Variants in MAP3K2 observed in about 807,000 individuals in gnomAD.
MAP3K2 encodes the protein MAP/ERK kinase kinase 2.
Under a neutral mutation model 80.3 loss-of-function variants are expected in MAP3K2, and 24 were observed. The observed-to-expected ratio is 0.30, with a 90% CI of 0.22 to 0.42. The LOEUF is 0.42. Among genes scored for constraint, MAP3K2 ranks in the 10% least tolerant of loss-of-function variants. MAP3K2 has a pLI of 1.00. For synonymous variants in MAP3K2, 244 were observed against 253.7 expected (o/e 0.96, Z 0.36); for missense variants, 608 against 750.1 (o/e 0.81, Z 2.21).
At chr2:127,318,571 CAT>C (rs1205878552) in intron 12 of MAP3K2, among the ~76,000 whole-genome samples, 7 of 152,310 alleles carry the variant, frequency 4.6e-5, no homozygotes, top group African/African-American at 1.7e-4. Flanking sequence ...CCTAATTACA[CAT>C]GTGACAGCAT....
At chr2:127,342,988 T>C in intron 2 of MAP3K2, 138 bp downstream of exon 2, 1 of 625,238 alleles carries the variant, frequency 1.6e-6, no homozygotes, top group South Asian at 2.5e-5. Flanking sequence ...ATTAAGTAAA[T>C]ATAAAACATT....
intron 1 of MAP3K2, among the ~76,000 whole-genome samples, chr2:127,373,108 A>G (rs1272326996): frequency 6.6e-6 from 1 of 152,220 alleles, no homozygotes; most frequent in Non-Finnish European, 1.5e-5. Flanking sequence ...CCTGATTCCA[A>G]TGGAAAGTGC....
intron 1 of MAP3K2, among the ~76,000 whole-genome samples, chr2:127,382,645 G>T (rs1321706450): frequency 6.6e-6 from 1 of 152,202 alleles, no homozygotes; most frequent in Non-Finnish European, 1.5e-5. Context: ...CAGTTCTCCT[G>T]CCTCAGCCTC....
At position 127,330,427 on chromosome 2, in the gene MAP3K2, G is replaced by T; in HGVS notation, c.343C>A (p.Leu115Ile). The change falls in exon 6 of 17, where the codon CTC (leucine) becomes ATC (isoleucine). Residue 115 changes from leucine (L) to isoleucine (I), a missense_variant. By Grantham distance (5) the Leu-to-Ile change is conservative. This residue lies in a region of MAP3K2 where 467 missense variants were observed against 521.9 expected (regional missense o/e 0.89). Transcript: ENST00000682094. ...CCATTTATTACAAGTAATATCTTGA[G>T]GCTCTTCATATGAATACTACGATCC... ...LLDRSIHMKS[L>I]KILLVINGST... is the part of the protein sequence containing the mutation. The T allele has an allele frequency of 6.2e-7, 1 of 1,605,872 alleles. No homozygotes were observed. The highest frequency in any genetic ancestry group is 1.7e-5 in the Admixed American group (1 of 58,990).
chr2:127,301,335 A>G lies in MAP3K2; in HGVS notation c.*6244T>C, dbSNP rs139189572. On this transcript the variant is annotated 3_prime_UTR_variant, in exon 17 of 17. Coordinates refer to ENST00000682094, the MANE Select transcript of MAP3K2 (RefSeq NM_001371910.2). Reference sequence around the variant, plus strand: ...GTCTATGTGAATCAGTGGTCAAGTGACATTAACAAGATTGGCACATGTACA... The same window carrying G: ...GTCTATGTGAATCAGTGGTCAAGTGGCATTAACAAGATTGGCACATGTACA... 2.0e-5 allele frequency: 3 copies of G among 152,374 alleles called. No individual in the cohort carries two copies. The East Asian group carries it at 5.8e-4, about 29-fold the overall frequency. The allele number at this position is 152,374 out of a possible 1,614,324, so 9.4% of individuals were successfully genotyped here. A position where few individuals can be genotyped will look rare whatever the true frequency, so the allele number is the denominator to read the frequency against.
At chr2:127,370,128 G>A (rs10169028) in intron 1 of MAP3K2, among the ~76,000 whole-genome samples, 13,455 of 151,550 alleles carry the variant, frequency 0.089, 784 homozygotes, top group African/African-American at 0.17. Context: ...GGGGGTGGGC[G>A]CAGCACGACC....
In MAP3K2 at chr2:127,373,826, TTATGA is replaced by T. The variant is rs1687105801; in HGVS notation, c.-66+13621_-66+13625del. 1.4e-4 allele frequency among the ~76,000 whole-genome samples: 21 copies of T among 152,322 alleles called. No homozygotes were observed. The South Asian group carries it at 2.9e-3, about 21-fold the overall frequency. Reference sequence around the variant, plus strand: ...TCAGACAATGCAATCAGTTGCTAGGTTATGACCCTGATATCATCAGGATTCCTTTA... The same window carrying T: ...TCAGACAATGCAATCAGTTGCTAGGTCCCTGATATCATCAGGATTCCTTTA... On this transcript the variant is annotated intron_variant, in intron 1 of 16. Coordinates refer to ENST00000682094, the MANE Select transcript of MAP3K2 (RefSeq NM_001371910.2).
intron 2 of MAP3K2, 110 bp downstream of exon 2, chr2:127,343,016 C>A: frequency 1.3e-6 from 1 of 764,018 alleles, no homozygotes; most frequent in Non-Finnish European, 2.1e-6. Context: ...TCTGCTATAT[C>A]ATAAAATTTA....
At chr2:127,331,972 T>C (rs1407537343) in intron 5 of MAP3K2, among the ~76,000 whole-genome samples, 1 of 152,238 alleles carries the variant, frequency 6.6e-6, no homozygotes, top group Non-Finnish European at 1.5e-5. Flanking sequence ...GTGAATTCCA[T>C]CAGACAATCT....
intron 1 of MAP3K2, among the ~76,000 whole-genome samples, chr2:127,382,750 T>C (rs1687267760): frequency 6.6e-6 from 1 of 152,244 alleles, no homozygotes; most frequent in Non-Finnish European, 1.5e-5. Flanking sequence ...GGTCTTAAAC[T>C]CCTGACCTCA....
At chr2:127,372,802 G>C (rs1046104028) in intron 1 of MAP3K2, among the ~76,000 whole-genome samples, 1 of 152,120 alleles carries the variant, frequency 6.6e-6, no homozygotes, top group Non-Finnish European at 1.5e-5. Context: ...AATTAGTTGA[G>C]GGGCAACTAA....
chr2:127,374,476 C>G (rs1006138150), intron 1 of MAP3K2, among the ~76,000 whole-genome samples: 1 of 152,184 alleles, frequency 6.6e-6, no homozygotes. Flanking sequence ...CTTATCTAAA[C>G]AATTTCAACT....
chr2:127,373,256 C>T (rs531372708), intron 1 of MAP3K2, among the ~76,000 whole-genome samples: 1 of 152,130 alleles, frequency 6.6e-6, no homozygotes, highest in Non-Finnish European at 1.5e-5. Context: ...CCAACAGAGC[C>T]AGTGATTTTA....
At chr2:127,336,037 C>A in intron 4 of MAP3K2, 68 bp from the exon 5 acceptor site, 1 of 912,352 alleles carries the variant, frequency 1.1e-6, no homozygotes. Flanking sequence ...GCAAAAGTTA[C>A]CTCCTTTTAG....
chr2:127,378,458 A>G (rs1031242212), intron 1 of MAP3K2, among the ~76,000 whole-genome samples: 1 of 152,224 alleles, frequency 6.6e-6, no homozygotes, highest in African/African-American at 2.4e-5. Context: ...AAACCAATAC[A>G]TTTATGTTCC....
At chr2:127,319,389 A>G (rs1174963402) in intron 12 of MAP3K2, among the ~76,000 whole-genome samples, 2 of 152,110 alleles carry the variant, frequency 1.3e-5, no homozygotes, top group Admixed American at 1.3e-4. Flanking sequence ...CTGAAGCTGG[A>G]TAGGACAACA....
chr2:127,375,409 TA>T (rs71394683), intron 1 of MAP3K2, among the ~76,000 whole-genome samples: 10,131 of 143,920 alleles, frequency 0.07, 517 homozygotes, highest in South Asian at 0.22. Flanking sequence ...ATTATTTATT[TA>T]TTTATTTATT....
intron 1 of MAP3K2, among the ~76,000 whole-genome samples, chr2:127,353,684 C>T (rs1359341372): frequency 2.6e-5 from 4 of 152,028 alleles, no homozygotes; most frequent in African/African-American, 4.8e-5. Context: ...TCTGCCCGGC[C>T]GCCCCTACTG....
chr2:127,347,604 C>G (rs932943381), intron 1 of MAP3K2, among the ~76,000 whole-genome samples: 8 of 151,992 alleles, frequency 5.3e-5, no homozygotes, highest in Non-Finnish European at 1.2e-4. Context: ...CCTAAATATA[C>G]AGAAAGACAT....
Sources: allele counts gnomAD v4.1 joint callset (sites outside exome capture counted in the v4.1 genomes callset), GRCh38; gene constraint gnomAD v4.1.1; regional missense constraint gnomAD v4.1.1; transcripts MANE v1.5; gene names NCBI Gene and HGNC (gene_info 2026-07-23, HGNC 2026-07-21).